TRPM3: variants seen among roughly 807,000 people sequenced by gnomAD.
TRPM3 encodes long transient receptor potential channel 3.
A neutral mutation model predicts 181.2 loss-of-function variants in TRPM3; 77 were observed. That is an observed-to-expected ratio of 0.42 (90% CI 0.35 to 0.51). The LOEUF (loss-of-function observed/expected upper bound fraction) is 0.51. Among genes scored for constraint, TRPM3 ranks in the 20% least tolerant of loss-of-function variants. The pLI, the probability that TRPM3 is intolerant of heterozygous loss-of-function variation, is 0.01. For synonymous variants in TRPM3, 745 were observed against 796.4 expected, an observed-to-expected ratio of 0.94 and a Z score of 1.09; for missense variants, 1,759 against 2,196.7, an observed-to-expected ratio of 0.80 and a Z score of 3.98.
At chr9:70,943,453 C>T (rs1300283469) in intron 1 of TRPM3, among the ~76,000 whole-genome samples, 1 of 152,190 alleles carries the variant, frequency 6.6e-6, no homozygotes, top group African/African-American at 2.4e-5. Flanking sequence ...ACTCTCCATC[C>T]AATTTCTCAC....
At chr9:70,698,082 C>T (rs1246001004) in intron 8 of TRPM3, among the ~76,000 whole-genome samples, 1 of 151,888 alleles carries the variant, frequency 6.6e-6, no homozygotes, top group African/African-American at 2.4e-5. Flanking sequence ...GTGGCATCAG[C>T]TTGTAGTCCC....
At chr9:71,196,212 T>C (rs2078348652) in intron 1 of TRPM3, among the ~76,000 whole-genome samples, 1 of 151,784 alleles carries the variant, frequency 6.6e-6, no homozygotes, top group African/African-American at 2.4e-5. Flanking sequence ...TTATTTGCTC[T>C]ACCTGTGGTA....
intron 1 of TRPM3, among the ~76,000 whole-genome samples, chr9:71,390,253 G>A (rs2093031252): frequency 2.0e-5 from 3 of 152,000 alleles, no homozygotes. Context: ...TAAGAAAGAA[G>A]AGAAGTGGGT....
intron 1 of TRPM3, among the ~76,000 whole-genome samples, chr9:71,241,431 G>A (rs764916148): frequency 2.6e-4 from 39 of 149,556 alleles, no homozygotes; most frequent in Non-Finnish European, 4.3e-4. Context: ...TCACTCATAG[G>A]TGGGAATTGA....
Position 70,537,399 on chromosome 9 carries a change from C to A in TRPM3, c.3714G>T (p.Glu1238Asp), listed in dbSNP as rs770348129. The A allele has an allele frequency of 1.4e-6, 2 of 1,466,566 alleles. No individual in the cohort carries two copies. Among genetic ancestry groups the A allele is most frequent in the Non-Finnish European group, 1.8e-6 (2 of 1,110,128 alleles). The allele number at this position is 1,466,566 out of a possible 1,614,324, so 90.8% of individuals were successfully genotyped here. The change falls in exon 26 of 26, where the codon GAG becomes GAT. Residue 1238 changes from glutamate (E) to aspartate (D), a missense_variant. Physicochemically the swap from Glu to Asp is conservative, Grantham distance 45. Transcript: ENST00000677713. Reference protein sequence around the residue: ...ERIRVTSERVENMSMRLEEVN... With the variant: ...ERIRVTSERVDNMSMRLEEVN... ...CTTCCTCCAGCCGCATAGACATGTT[C>A]TCCACCCTGCGCGAGGAAGAGAGAA... is the stretch of plus-strand genomic sequence containing the variant.
rs1374240973 is a variant in TRPM3 at position 70,610,763 on chromosome 9, G to T, written c.2527-14C>A. 2.5e-6 allele frequency: 4 copies of T among 1,613,782 alleles called. No individual in the cohort carries two copies. The highest frequency in any genetic ancestry group is 3.4e-6 in the Non-Finnish European group (4 of 1,179,902). The stretch of plus-strand genomic sequence containing the variant: ...TCCCAACATTGCCTATGTTGGAAGA[G>T]AATCGATACCATCATGACAGGGCTC... On this transcript the variant is annotated splice_polypyrimidine_tract_variant and intron_variant, in intron 18 of 25. Transcript: ENST00000677713.
chr9:71,097,983 T>G (rs1475311709), intron 1 of TRPM3, among the ~76,000 whole-genome samples: 1 of 151,984 alleles, frequency 6.6e-6, no homozygotes, highest in African/African-American at 2.4e-5. Flanking sequence ...TCCAGGACTC[T>G]CAAGTACATC....
intron 1 of TRPM3, among the ~76,000 whole-genome samples, chr9:71,243,568 T>C (rs2081850859): frequency 6.6e-6 from 1 of 152,264 alleles, no homozygotes; most frequent in African/African-American, 2.4e-5. Context: ...GCAGGAATCT[T>C]ATCTGTCTTT....
At chr9:70,936,568 T>C (rs1003315048) in intron 1 of TRPM3, among the ~76,000 whole-genome samples, 7 of 152,214 alleles carry the variant, frequency 4.6e-5, no homozygotes, top group Admixed American at 6.5e-5. Flanking sequence ...GAAATCAGAA[T>C]TGATAATGGT....
chr9:71,331,503 T>G (rs1333630918), intron 1 of TRPM3, among the ~76,000 whole-genome samples: 1 of 151,818 alleles, frequency 6.6e-6, no homozygotes, highest in Non-Finnish European at 1.5e-5. Flanking sequence ...TAAAACATAA[T>G]TATTCTATAT....
chr9:70,543,664 G>C (rs1415332587), intron 25 of TRPM3, among the ~76,000 whole-genome samples: 3 of 151,978 alleles, frequency 2.0e-5, no homozygotes. Flanking sequence ...TTTGGATCTA[G>C]GTAAAATGAA....
chr9:71,366,878 T>C (rs1254291938), intron 1 of TRPM3, among the ~76,000 whole-genome samples: 1 of 152,168 alleles, frequency 6.6e-6, no homozygotes, highest in Non-Finnish European at 1.5e-5. Flanking sequence ...ATGGATTTCT[T>C]ATAGAAATCT....
At chr9:70,818,545 G>A (rs780158148) in intron 6 of TRPM3, among the ~76,000 whole-genome samples, 1 of 152,132 alleles carries the variant, frequency 6.6e-6, no homozygotes, top group Non-Finnish European at 1.5e-5. Context: ...ACAGGAAGGT[G>A]CTCAGCTTTG....
At chr9:70,574,198 A>G (rs1266481613) in intron 22 of TRPM3, among the ~76,000 whole-genome samples, 2 of 152,110 alleles carry the variant, frequency 1.3e-5, no homozygotes, top group Non-Finnish European at 2.9e-5. Flanking sequence ...TTTCCCAGTG[A>G]ATTAGGAGAA....
intron 22 of TRPM3, among the ~76,000 whole-genome samples, chr9:70,575,162 C>T (rs1213052685): frequency 7.0e-6 from 1 of 143,052 alleles, no homozygotes; most frequent in East Asian, 2.1e-4. Flanking sequence ...CCAGGCTGGT[C>T]TTGAACTCCT....
intron 1 of TRPM3, among the ~76,000 whole-genome samples, chr9:70,929,011 A>G (rs1206840775): frequency 6.6e-6 from 1 of 152,178 alleles, no homozygotes; most frequent in African/African-American, 2.4e-5. Flanking sequence ...GTCTTCCTCC[A>G]TGGCTTTCTC....
intron 3 of TRPM3, 95 bp from the exon 4 acceptor site, chr9:70,846,686 C>T (rs965367700): frequency 4.0e-6 from 4 of 993,714 alleles, no homozygotes; most frequent in Non-Finnish European, 4.5e-6. Flanking sequence ...AGTTATGTGA[C>T]AAAAACGTCT....
intron 1 of TRPM3, among the ~76,000 whole-genome samples, chr9:71,200,432 A>G (rs1025950548): frequency 6.0e-5 from 9 of 150,362 alleles, no homozygotes; most frequent in African/African-American, 2.0e-4. Flanking sequence ...TATCCTTGTT[A>G]ACTTTCTGTC....
At chr9:70,926,526 G>A (rs915720261) in intron 1 of TRPM3, among the ~76,000 whole-genome samples, 1 of 151,998 alleles carries the variant, frequency 6.6e-6, no homozygotes, top group Admixed American at 6.6e-5. Flanking sequence ...AACAAATGTT[G>A]AACTACTTTA....
Sources: gnomAD v4.1 joint callset for allele counts (sites outside exome capture counted in the v4.1 genomes callset) on GRCh38, gnomAD v4.1.1 for gene constraint, MANE v1.5 for transcripts, NCBI Gene and HGNC (gene_info 2026-07-23, HGNC 2026-07-21) for gene names.